NLGN1: variants seen among roughly 807,000 people sequenced by gnomAD.
The protein encoded by NLGN1 is neuroligin-1.
A neutral mutation model predicts 65.5 loss-of-function variants in NLGN1; 12 were observed. The observed-to-expected ratio is 0.18, with a 90% confidence interval of 0.12 to 0.30. NLGN1 has a LOEUF of 0.30. Among genes scored for constraint, NLGN1 ranks in the 10% least tolerant of loss-of-function variants. The pLI is 1.00. For missense variants in NLGN1, 750 were observed against 1,007.1 expected (o/e 0.74, Z 3.46); for synonymous variants, 350 against 359.5 (o/e 0.97, Z 0.30).
intron 4 of NLGN1, among the ~76,000 whole-genome samples, chr3:174,106,311 T>G (rs1713786400): frequency 6.6e-6 from 1 of 152,116 alleles, no homozygotes; most frequent in African/African-American, 2.4e-5. Flanking sequence ...AAATTCAGGA[T>G]CAGTTATACT....
intron 4 of NLGN1, among the ~76,000 whole-genome samples, chr3:174,080,143 A>G (rs1390195596): frequency 6.6e-6 from 1 of 152,246 alleles, no homozygotes; most frequent in Non-Finnish European, 1.5e-5. Flanking sequence ...TTTCTGTCCA[A>G]TCAAACATTT....
chr3:173,791,751 G>A (rs1285325915), intron 3 of NLGN1, among the ~76,000 whole-genome samples: 2 of 151,882 alleles, frequency 1.3e-5, no homozygotes, highest in Admixed American at 6.6e-5. Context: ...GTGACTTATT[G>A]TATAGGAGCT....
At chr3:173,497,002 G>T (rs999639058) in intron 2 of NLGN1, among the ~76,000 whole-genome samples, 2 of 151,758 alleles carry the variant, frequency 1.3e-5, no homozygotes. Flanking sequence ...TGGTGTGAGG[G>T]CACCTTTCTT....
At chr3:174,088,805 T>TAAATAAAA (rs1415767233) in intron 4 of NLGN1, among the ~76,000 whole-genome samples, 19 of 144,174 alleles carry the variant, frequency 1.3e-4, no homozygotes, top group African/African-American at 4.1e-4. Flanking sequence ...AATAAATAAA[T>TAAATAAAA]AAAACTAGAT....
chr3:173,551,581 G>A (rs768344156), intron 2 of NLGN1, among the ~76,000 whole-genome samples: 1 of 152,108 alleles, frequency 6.6e-6, no homozygotes, highest in Non-Finnish European at 1.5e-5. Context: ...TCTTTTACAT[G>A]TACTCCGAAC....
At chr3:173,955,399 A>T (rs1181873885) in intron 4 of NLGN1, among the ~76,000 whole-genome samples, 1 of 152,118 alleles carries the variant, frequency 6.6e-6, no homozygotes, top group Non-Finnish European at 1.5e-5. Context: ...TGTTGTTAAA[A>T]TGAGGTGCCA....
intron 2 of NLGN1, among the ~76,000 whole-genome samples, chr3:173,573,422 A>G (rs1258863070): frequency 2.6e-5 from 4 of 151,684 alleles, no homozygotes; most frequent in African/African-American, 9.7e-5. Context: ...GCAAATACAT[A>G]GTTAAAAATG....
At chr3:173,401,149 TG>T (rs1717610157) in intron 1 of NLGN1, among the ~76,000 whole-genome samples, 1 of 152,112 alleles carries the variant, frequency 6.6e-6, no homozygotes, top group African/African-American at 2.4e-5. Context: ...GTCTTTGTTA[TG>T]GGGGAGTGTA....
intron 2 of NLGN1, among the ~76,000 whole-genome samples, chr3:173,485,723 A>G (rs1442583446): frequency 6.6e-6 from 1 of 152,336 alleles, no homozygotes; most frequent in East Asian, 1.9e-4. Flanking sequence ...TTTACAATGC[A>G]TATTTCCTAA....
exon 7 of NLGN1, chr3:174,283,661 C>T (rs187696378): frequency 5.3e-5 from 8 of 151,228 alleles, no homozygotes; most frequent in Admixed American, 5.3e-4. Flanking sequence ...TATAATCCCC[C>T]CTCCCAATTA....
chr3:173,544,768 A>G (rs1217645151), intron 2 of NLGN1, among the ~76,000 whole-genome samples: 1 of 152,164 alleles, frequency 6.6e-6, no homozygotes, highest in Admixed American at 6.6e-5. Flanking sequence ...GTTATAATCA[A>G]GAAAGAGACT....
At chr3:173,432,098 A>T (rs1717289613) in intron 1 of NLGN1, among the ~76,000 whole-genome samples, 1 of 152,130 alleles carries the variant, frequency 6.6e-6, no homozygotes, top group African/African-American at 2.4e-5. Flanking sequence ...TTCCTTTGTC[A>T]ATATGCATAA....
intron 4 of NLGN1, among the ~76,000 whole-genome samples, chr3:173,890,027 T>C (rs1397352402): frequency 6.6e-6 from 1 of 151,764 alleles, no homozygotes; most frequent in East Asian, 1.9e-4. Flanking sequence ...TTAGGTAAAA[T>C]TATGTAAGTT....
chr3:173,711,992 A>C (rs1336504817), intron 3 of NLGN1, among the ~76,000 whole-genome samples: 1 of 152,170 alleles, frequency 6.6e-6, no homozygotes, highest in Non-Finnish European at 1.5e-5. Context: ...CAATACTTGT[A>C]ATTTTACTTT....
chr3:173,667,348 T>C (rs11928701), intron 3 of NLGN1, among the ~76,000 whole-genome samples: 185 of 152,214 alleles, frequency 1.2e-3, no homozygotes, highest in African/African-American at 4.3e-3. Context: ...TAGATATGTA[T>C]ACTTCTTTTT....
intron 4 of NLGN1, among the ~76,000 whole-genome samples, chr3:174,053,241 C>G (rs1211045478): frequency 6.6e-6 from 1 of 151,850 alleles, no homozygotes; most frequent in Non-Finnish European, 1.5e-5. Flanking sequence ...TGCTTCTCAA[C>G]AAAGTAATAG....
chr3:173,668,475 A>G (rs1310323984), intron 3 of NLGN1, among the ~76,000 whole-genome samples: 1 of 152,124 alleles, frequency 6.6e-6, no homozygotes, highest in Non-Finnish European at 1.5e-5. Flanking sequence ...GGGATTTGGA[A>G]TTATTGCTAT....
intron 3 of NLGN1, among the ~76,000 whole-genome samples, chr3:173,624,710 G>A (rs1365654887): frequency 6.6e-6 from 1 of 152,054 alleles, no homozygotes; most frequent in African/African-American, 2.4e-5. Context: ...GTAAGAATGA[G>A]CAGAAGGTTT....
At chr3:173,517,747 AATTT>A (rs1269597431) in intron 2 of NLGN1, among the ~76,000 whole-genome samples, 1 of 116,058 alleles carries the variant, frequency 8.6e-6, no homozygotes, top group Admixed American at 9.4e-5. Flanking sequence ...TGCTTTCGCA[AATTT>A]ATCTATCTAT....
Sources: gnomAD v4.1 joint callset for allele counts (sites outside exome capture counted in the v4.1 genomes callset) on GRCh38, gnomAD v4.1.1 for gene constraint, MANE v1.5 for transcripts, NCBI Gene and HGNC (gene_info 2026-07-23, HGNC 2026-07-21) for gene names.